The following GPBP1 variants were observed in gnomAD, a reference collection of about 807,000 sequenced individuals.
GPBP1 encodes GC-rich promoter binding protein 1.
Under a neutral mutation model 56.5 loss-of-function variants are expected in GPBP1, and 13 were observed. That is an observed-to-expected ratio of 0.23 (90% CI 0.15 to 0.37). GPBP1 has a LOEUF of 0.37. GPBP1 is among the 10% of genes least tolerant of loss of function. The pLI is 1.00. For missense variants in GPBP1, 477 were observed against 572.3 expected, an observed-to-expected ratio of 0.83 and a Z score of 1.70; for synonymous variants, 204 against 188.9, an observed-to-expected ratio of 1.08 and a Z score of -0.66.
intron 2 of GPBP1, among the ~76,000 whole-genome samples, chr5:57,211,019 A>G (rs1042552827): frequency 3.9e-5 from 6 of 152,228 alleles, no homozygotes; most frequent in African/African-American, 1.4e-4. Flanking sequence ...GACACAGTTC[A>G]ACCCATAACA....
chr5:57,186,135 G>T (rs903972816), intron 2 of GPBP1, among the ~76,000 whole-genome samples: 1 of 152,076 alleles, frequency 6.6e-6, no homozygotes, highest in East Asian at 1.9e-4. Flanking sequence ...GGTGGCTCAT[G>T]CCTTTAATCT....
At chr5:57,219,466 A>C (rs1383262006) in intron 3 of GPBP1, among the ~76,000 whole-genome samples, 1 of 151,338 alleles carries the variant, frequency 6.6e-6, no homozygotes, top group East Asian at 1.9e-4. Context: ...AAATAATTAA[A>C]ATTTAAAAAA....
chr5:57,237,231 C>A (rs1756695928), intron 6 of GPBP1: 1 of 1,110,898 alleles, frequency 9.0e-7, no homozygotes, highest in South Asian at 1.3e-5. Flanking sequence ...GAATATAGAA[C>A]CACCTGGAAG....
chr5:57,181,317 A>G (rs1754035031), intron 2 of GPBP1, among the ~76,000 whole-genome samples: 1 of 152,030 alleles, frequency 6.6e-6, no homozygotes, highest in Admixed American at 6.6e-5. Context: ...CCTGGGTTGC[A>G]GAGTGACACC....
Position 57,254,268 on chromosome 5 carries a change from A to C in GPBP1, c.1160+3127A>C, listed in dbSNP as rs142964643. Among the ~76,000 whole-genome samples the C allele has an allele frequency of 4.0e-4, 61 of 152,208 alleles. No homozygotes were observed. In the East Asian group the frequency reaches 0.01, roughly 26 times the overall value. On this transcript the variant is annotated intron_variant, in intron 10 of 11. Transcript: ENST00000506184. ...TCCCTTAGATTGCTCCTTCAGAATA[A>C]ATCTTTATCTTTCTGTCTTTAATCA...
intron 2 of GPBP1, among the ~76,000 whole-genome samples, chr5:57,200,360 A>ATTTTTTT (rs70999063): frequency 1.4e-4 from 10 of 69,828 alleles, no homozygotes; most frequent in South Asian, 1.1e-3. Flanking sequence ...ATAAGTTTGA[A>ATTTTTTT]TTTTTTTTTT....
chr5:57,224,686 A>G (rs1227456861), intron 3 of GPBP1, among the ~76,000 whole-genome samples: 2 of 152,062 alleles, frequency 1.3e-5, no homozygotes, highest in East Asian at 3.9e-4. Flanking sequence ...AAGCACTGGG[A>G]TTATAGGCGT....
chr5:57,189,149 T>C (rs1210939597), intron 2 of GPBP1, among the ~76,000 whole-genome samples: 2 of 152,068 alleles, frequency 1.3e-5, no homozygotes, highest in Admixed American at 6.6e-5. Flanking sequence ...GAAGACAGTC[T>C]CGCTCTGTCC....
rs536708084 is a variant in GPBP1 at position 57,225,879 on chromosome 5, A to G, written c.64-4967A>G. Among the ~76,000 whole-genome samples, 15 of 152,294 alleles carry G rather than the reference A, an allele frequency of 9.8e-5. No homozygotes were observed. In the East Asian group the frequency reaches 2.3e-3, roughly 24 times the overall value. ...CTGATGCCATCAATGCAGCTCCTAA[A>G]TCTGCATTTGAACACTCAGATCCAT... is the stretch of plus-strand genomic sequence containing the variant. On this transcript the variant is annotated intron_variant, in intron 3 of 11. Coordinates refer to ENST00000506184, the MANE Select transcript of GPBP1 (RefSeq NM_022913.4).
At chr5:57,200,152 C>T (rs1188772392) in intron 2 of GPBP1, among the ~76,000 whole-genome samples, 1 of 139,164 alleles carries the variant, frequency 7.2e-6, no homozygotes, top group East Asian at 2.1e-4. Flanking sequence ...CCCTCCCCTG[C>T]TTCCTTCCCT....
chr5:57,203,005 T>G (rs1382625578), intron 2 of GPBP1, among the ~76,000 whole-genome samples: 1 of 152,234 alleles, frequency 6.6e-6, no homozygotes. Flanking sequence ...AGAAGCTCAA[T>G]AAGTAGAAAT....
At chr5:57,228,901 A>G (rs1756315711) in intron 3 of GPBP1, among the ~76,000 whole-genome samples, 1 of 151,964 alleles carries the variant, frequency 6.6e-6, no homozygotes, top group Non-Finnish European at 1.5e-5. Flanking sequence ...GTAAGCAAGC[A>G]TATATGTATG....
intron 2 of GPBP1, among the ~76,000 whole-genome samples, chr5:57,179,184 A>G (rs908798778): frequency 3.9e-5 from 6 of 152,138 alleles, no homozygotes; most frequent in African/African-American, 1.4e-4. Context: ...TTACTAATTC[A>G]TTTATTTGAA....
At chr5:57,197,729 AGTT>A (rs1754829862) in intron 2 of GPBP1, among the ~76,000 whole-genome samples, 1 of 151,382 alleles carries the variant, frequency 6.6e-6, no homozygotes, top group Non-Finnish European at 1.5e-5. Flanking sequence ...TCTTTCTAGA[AGTT>A]GTTCTTTGTC....
rs1038382937 is a variant in GPBP1, at chr5:57,236,955, G to A, written c.478+923G>A. 1.0e-4 allele frequency: 63 copies of A among 604,400 alleles called. 1 individual carries two copies. The highest frequency in any genetic ancestry group is 7.5e-4 in the Middle Eastern group (2 of 2,658). The allele number at this position is 604,400 out of a possible 1,614,324, so 37.4% of individuals were successfully genotyped here. A position where few individuals can be genotyped will look rare whatever the true frequency, so the allele number is the denominator to read the frequency against. ...TCCTGTGCTATATTGTATGTATGAG[G>A]TGAAACTCGGGAATTATTTTGTTTT... is the stretch of plus-strand genomic sequence containing the variant. On this transcript the variant is annotated intron_variant, in intron 6 of 11. Transcript: ENST00000506184.
intron 3 of GPBP1, among the ~76,000 whole-genome samples, chr5:57,225,508 A>AAC (rs11452613): frequency 0.26 from 31,828 of 123,468 alleles, 5,127 homozygotes; most frequent in East Asian, 0.57. Context: ...AAAAAAAAAA[A>AAC]AAACAAACTG....
chr5:57,229,182 G>C (rs1261702852), intron 3 of GPBP1, among the ~76,000 whole-genome samples: 2 of 135,184 alleles, frequency 1.5e-5, no homozygotes, highest in African/African-American at 2.8e-5. Context: ...AGTGAGCCAA[G>C]ATCGTGCCAC....
chr5:57,228,075 A>T (rs557146570), intron 3 of GPBP1, among the ~76,000 whole-genome samples: 1 of 152,368 alleles, frequency 6.6e-6, no homozygotes, highest in South Asian at 2.1e-4. Flanking sequence ...GGCTTTAAAA[A>T]ATATTTAAAA....
chr5:57,238,553 C>T (rs777076044), intron 6 of GPBP1, among the ~76,000 whole-genome samples: 9 of 151,722 alleles, frequency 5.9e-5, no homozygotes, highest in South Asian at 2.1e-4. Context: ...AGTGAAACTC[C>T]GTCTCAAAAA....
Sources: allele counts gnomAD v4.1 joint callset (sites outside exome capture counted in the v4.1 genomes callset), GRCh38; gene constraint gnomAD v4.1.1; transcripts MANE v1.5; gene names NCBI Gene and HGNC (gene_info 2026-07-23, HGNC 2026-07-21).